DNAH5: variants seen among roughly 807,000 people sequenced by gnomAD.
The protein encoded by DNAH5 is axonemal beta dynein heavy chain 5.
Under a neutral mutation model 518.2 loss-of-function variants are expected in DNAH5, and 372 were observed. That is an observed-to-expected ratio of 0.72 (90% CI 0.66 to 0.78). The LOEUF (loss-of-function observed/expected upper bound fraction) is 0.78. Among genes scored for constraint, DNAH5 ranks in the 30% least tolerant of loss-of-function variants. The pLI, the probability that DNAH5 is intolerant of heterozygous loss-of-function variation, is 0.00. For missense variants in DNAH5, 5,523 were observed against 5,687.0 expected (o/e 0.97, Z 0.93); for synonymous variants, 2,039 against 2,025.9 (o/e 1.01, Z -0.17).
intron 65 of DNAH5, among the ~76,000 whole-genome samples, chr5:13,740,775 C>T (rs866041163): frequency 1.3e-5 from 2 of 152,180 alleles, no homozygotes; most frequent in Non-Finnish European, 2.9e-5. Flanking sequence ...CCTCAAATGT[C>T]ACATTCTCAG....
intron 33 of DNAH5, 67 bp from the exon 34 acceptor site, chr5:13,841,197 T>C (rs1165757921): frequency 4.1e-6 from 5 of 1,233,174 alleles, no homozygotes; most frequent in Middle Eastern, 2.6e-4. Flanking sequence ...AGAAATACAA[T>C]GTGATCAACA....
intron 1 of DNAH5, among the ~76,000 whole-genome samples, chr5:13,943,855 A>G (rs1406394718): frequency 6.6e-6 from 1 of 152,182 alleles, no homozygotes; most frequent in Non-Finnish European, 1.5e-5. Context: ...ATCCCTCTCT[A>G]TGCATTTGCA....
chr5:13,732,259 C>T (rs928051750), intron 68 of DNAH5, among the ~76,000 whole-genome samples: 1 of 152,136 alleles, frequency 6.6e-6, no homozygotes, highest in African/African-American at 2.4e-5. Flanking sequence ...ATGGGAATTC[C>T]AAGTTCAAGG....
At chr5:13,794,789 C>A (rs540925625) in intron 47 of DNAH5, among the ~76,000 whole-genome samples, 2 of 152,168 alleles carry the variant, frequency 1.3e-5, no homozygotes, top group African/African-American at 4.8e-5. Context: ...CACGGTGAAA[C>A]CCTGTCTCTA....
At chr5:13,977,843 G>A (rs1782378949) in intron 1 of DNAH5, among the ~76,000 whole-genome samples, 2 of 152,088 alleles carry the variant, frequency 1.3e-5, no homozygotes, top group Non-Finnish European at 2.9e-5. Context: ...GGGTTTTGAG[G>A]GATTTTCTTC....
At chr5:13,778,582 GAA>G (rs879666680) in intron 53 of DNAH5, among the ~76,000 whole-genome samples, 865 of 77,014 alleles carry the variant, frequency 0.011, 12 homozygotes, top group African/African-American at 0.037. Context: ...AAGAAAGAAA[GAA>G]AGAAAGAAAG....
chr5:13,947,584 C>T (rs339444), upstream of DNAH5, among the ~76,000 whole-genome samples: 129,883 of 152,162 alleles, frequency 0.85, 56,904 homozygotes, highest in East Asian at 0.95. Flanking sequence ...ATGGAGAGGA[C>T]GAATTCCTAA....
intron 1 of DNAH5, among the ~76,000 whole-genome samples, chr5:13,985,631 GA>G (rs1783001513): frequency 6.6e-6 from 1 of 151,964 alleles, no homozygotes; most frequent in African/African-American, 2.4e-5. Flanking sequence ...CTAAGCTTGT[GA>G]TTTGTTACAA....
intron 42 of DNAH5, among the ~76,000 whole-genome samples, chr5:13,816,780 C>T (rs569787641): frequency 5.3e-5 from 8 of 152,234 alleles, no homozygotes; most frequent in Non-Finnish European, 1.0e-4. Flanking sequence ...AATGGTACTA[C>T]TTTAAACATT....
chr5:13,818,845 A>C (rs1761841503), intron 41 of DNAH5, among the ~76,000 whole-genome samples: 1 of 152,258 alleles, frequency 6.6e-6, no homozygotes, highest in Admixed American at 6.5e-5. Context: ...CCACGTCGTC[A>C]GCAGAAGTTA....
intron 44 of DNAH5, among the ~76,000 whole-genome samples, 200 bp downstream of exon 44, chr5:13,811,447 G>C (rs539388654): frequency 2.0e-5 from 3 of 152,090 alleles, no homozygotes; most frequent in Non-Finnish European, 4.4e-5. Flanking sequence ...TTTTGTTAAA[G>C]GGATATGAAA....
At position 13,737,341 on chromosome 5, in the gene DNAH5, T is replaced by C; in HGVS notation, c.11366A>G (p.Lys3789Arg). The change falls in exon 66 of 79, where the codon AAA becomes AGA. Residue 3789 changes from lysine to arginine, a missense_variant. By Grantham distance (26) the Lys-to-Arg change is conservative (BLOSUM62 2). Transcript: ENST00000265104. ...ESLIVVLSNT[K>R]RTAEEVTQKL... ...CTGTGTCACCTCCTCGGCTGTCCTT[T>C]TTGTGTTACTCAGCACGACAATGAG... 6.2e-7 allele frequency: 1 copy of C among 1,614,152 alleles called. No homozygotes were observed. Among genetic ancestry groups the C allele is most frequent in the Non-Finnish European group, 8.5e-7 (1 of 1,179,992 alleles).
intron 1 of DNAH5, among the ~76,000 whole-genome samples, chr5:13,977,551 T>G (rs551209567): frequency 6.6e-6 from 1 of 152,182 alleles, no homozygotes; most frequent in East Asian, 1.9e-4. Flanking sequence ...CTTTCCTCCC[T>G]CCCCTCAATT....
chr5:13,816,767 G>A (rs1180902723), intron 42 of DNAH5, among the ~76,000 whole-genome samples: 2 of 152,162 alleles, frequency 1.3e-5, no homozygotes, highest in African/African-American at 2.4e-5. Flanking sequence ...AAATGCGAGC[G>A]TCAATGGTAC....
chr5:13,944,494 C>T lies in DNAH5; in HGVS notation c.-56G>A. 1 of 1,466,368 alleles carries T rather than the reference C, an allele frequency of 6.8e-7. No individual in the cohort carries two copies. Among genetic ancestry groups the T allele is most frequent in the East Asian group, 2.3e-5 (1 of 44,108 alleles). The allele number at this position is 1,466,368 out of a possible 1,614,324, so 90.8% of individuals were successfully genotyped here. On this transcript the variant is annotated 5_prime_UTR_variant, in exon 1 of 79. Coordinates refer to ENST00000265104, the MANE Select transcript of DNAH5 (RefSeq NM_001369.3). ...CTCTTCCGGAATGGTCTTCTAACTCCTGGCAGACCTGCTCAACATCCAACA... is the reference window on the plus strand; with the variant it reads ...CTCTTCCGGAATGGTCTTCTAACTCTTGGCAGACCTGCTCAACATCCAACA...
chr5:13,900,794 A>G (rs1196851497), intron 14 of DNAH5: 1 of 322,628 alleles, frequency 3.1e-6, no homozygotes, highest in African/African-American at 2.1e-5. Flanking sequence ...TAGAAAAACA[A>G]TGAACACAGC....
chr5:13,749,482 C>T (rs1197177406), intron 65 of DNAH5, among the ~76,000 whole-genome samples: 10 of 152,184 alleles, frequency 6.6e-5, no homozygotes, highest in Admixed American at 6.6e-4. Context: ...TAAACCTCTG[C>T]TACAGGAATT....
intron 76 of DNAH5, among the ~76,000 whole-genome samples, chr5:13,706,750 G>A (rs149083966): frequency 5.3e-5 from 8 of 152,242 alleles, no homozygotes; most frequent in East Asian, 1.9e-4. Context: ...CCTTAAAACC[G>A]TATCTGTCTT....
chr5:13,988,789 C>T (rs577857670), intron 1 of DNAH5, among the ~76,000 whole-genome samples: 29 of 125,360 alleles, frequency 2.3e-4, no homozygotes, highest in Non-Finnish European at 3.3e-4. Context: ...TGGTGTGGTG[C>T]GATCTCACCT....
Sources: gnomAD v4.1 joint callset for allele counts (sites outside exome capture counted in the v4.1 genomes callset) on GRCh38, gnomAD v4.1.1 for gene constraint, MANE v1.5 for transcripts, NCBI Gene and HGNC (gene_info 2026-07-23, HGNC 2026-07-21) for gene names.